ANKFN1: variants seen among roughly 807,000 people sequenced by gnomAD.
ANKFN1 encodes ankyrin repeat and fibronectin type-III domain-containing protein 1.
A neutral mutation model predicts 108.7 loss-of-function variants in ANKFN1; 74 were observed. That is an observed-to-expected ratio of 0.68 (90% CI 0.56 to 0.83). The LOEUF is 0.83. Ranked by LOEUF, ANKFN1 falls within the 40% of genes least tolerant of loss-of-function variation. The probability of loss-of-function intolerance (pLI) is 0.00; values close to 1 mark genes in which losing one functional copy is unlikely to be tolerated. For missense variants in ANKFN1, 1,505 were observed against 1,382.3 expected (o/e 1.09, Z -1.41); for synonymous variants, 547 against 516.2 (o/e 1.06, Z -0.81).
chr17:56,180,568 T>C (rs1911597584), intron 1 of ANKFN1, among the ~76,000 whole-genome samples: 3 of 152,182 alleles, frequency 2.0e-5, no homozygotes, highest in African/African-American at 7.2e-5. Flanking sequence ...AAATCATAGG[T>C]TCCCCCAGTA....
intron 6 of ANKFN1, among the ~76,000 whole-genome samples, chr17:56,359,465 C>T (rs2144711619): frequency 6.6e-6 from 1 of 152,248 alleles, no homozygotes; most frequent in Admixed American, 6.5e-5. Flanking sequence ...TGCCCTTTCC[C>T]TTAGCTACAT....
At position 56,220,786 on chromosome 17, in the gene ANKFN1, G is replaced by C. The variant is rs375541031; in HGVS notation, c.13-7131G>C. Among the ~76,000 whole-genome samples, 21 of 122,630 alleles carry C rather than the reference G, an allele frequency of 1.7e-4. No individual in the cohort carries two copies. In the East Asian group the frequency reaches 2.1e-3, roughly 12 times the overall value. The allele number at this position is 122,630 out of a possible 152,430, so 80.5% of individuals were successfully genotyped here. On this transcript the variant is annotated intron_variant, in intron 2 of 20. Transcript: ENST00000682825. ...AAGGAGGGAGGGAGGAAGTCAGGAA[G>C]GAAGGGAGGAAGGGAGGGAGGGAGG...
chr17:56,401,368 A>ATTGTATTGTGTTGTGTTGTG (rs55888620), intron 8 of ANKFN1, among the ~76,000 whole-genome samples: 2 of 135,548 alleles, frequency 1.5e-5, no homozygotes, highest in African/African-American at 2.8e-5. Flanking sequence ...ATTGTATTGT[A>ATTGTATTGTGTTGTGTTGTG]TTGTGTTGTG....
chr17:56,214,628 A>G (rs1267301122), intron 2 of ANKFN1, among the ~76,000 whole-genome samples: 1 of 152,030 alleles, frequency 6.6e-6, no homozygotes, highest in Non-Finnish European at 1.5e-5. Flanking sequence ...GGTCCCACTA[A>G]CTCCTCATTC....
intron 3 of ANKFN1, among the ~76,000 whole-genome samples, chr17:56,278,309 C>T (rs1182447246): frequency 6.6e-6 from 1 of 152,210 alleles, no homozygotes; most frequent in African/African-American, 2.4e-5. Flanking sequence ...CACACCCTCC[C>T]TCAGTCACTC....
At chr17:56,288,780 C>T (rs949423245) in intron 3 of ANKFN1, among the ~76,000 whole-genome samples, 1 of 152,100 alleles carries the variant, frequency 6.6e-6, no homozygotes, top group Non-Finnish European at 1.5e-5. Flanking sequence ...CTCTACCACA[C>T]CATGGTTTAT....
At chr17:56,259,561 G>A (rs1181527767) in intron 3 of ANKFN1, among the ~76,000 whole-genome samples, 1 of 152,114 alleles carries the variant, frequency 6.6e-6, no homozygotes, top group Non-Finnish European at 1.5e-5. Flanking sequence ...GGGTAGGGAG[G>A]TGTTCCCAGT....
At position 56,372,673 on chromosome 17, in the gene ANKFN1, A is replaced by C; in HGVS notation, c.629A>C (p.His210Pro). The C allele has an allele frequency of 2.5e-6, 4 of 1,613,512 alleles. No homozygotes were observed. Among genetic ancestry groups the C allele is most frequent in the Non-Finnish European group, 3.4e-6 (4 of 1,179,872 alleles). Residue 210 changes from histidine to proline, a missense_variant, in exon 7 of 21, where the codon CAC (histidine) becomes CCC (proline). Transcript: ENST00000682825. ...GTCAGCCTGGAAAGCCGAGCAATGC[A>C]CCTCAACACACTGGTCCAGGAAGCC... ...HFVSLESRAMHLNTLVQEAQE... is the reference protein window; with the variant it reads ...HFVSLESRAMPLNTLVQEAQE...
intron 6 of ANKFN1, among the ~76,000 whole-genome samples, chr17:56,356,943 A>G (rs1404772237): frequency 6.6e-6 from 1 of 152,204 alleles, no homozygotes; most frequent in African/African-American, 2.4e-5. Context: ...TGAAAACAGT[A>G]AGACTCCCTA....
At chr17:56,300,597 T>G (rs971405828) in intron 3 of ANKFN1, among the ~76,000 whole-genome samples, 1 of 152,080 alleles carries the variant, frequency 6.6e-6, no homozygotes, top group Non-Finnish European at 1.5e-5. Context: ...ATTGTTTTTT[T>G]TTTTTTTTTA....
intron 4 of ANKFN1, among the ~76,000 whole-genome samples, chr17:56,130,603 A>G (rs1020121841): frequency 7.2e-5 from 11 of 151,746 alleles, no homozygotes; most frequent in African/African-American, 2.7e-4. Flanking sequence ...TTCTTTATTG[A>G]CTTCTCCCTG....
At chr17:56,499,197 G>A (rs2051291812) in intron 20 of ANKFN1, 99 bp downstream of exon 20, 12 of 1,189,252 alleles carry the variant, frequency 1.0e-5, no homozygotes, top group Non-Finnish European at 1.4e-5. Flanking sequence ...GTTCCAGAAA[G>A]TGGATGAAAA....
intron 3 of ANKFN1, among the ~76,000 whole-genome samples, chr17:56,303,310 G>C (rs938437034): frequency 2.0e-5 from 3 of 152,162 alleles, no homozygotes; most frequent in Non-Finnish European, 4.4e-5. Flanking sequence ...TGTTGGTGTT[G>C]GGGATGAGGG....
chr17:56,257,192 G>A (rs1183852151), intron 3 of ANKFN1, among the ~76,000 whole-genome samples: 3 of 152,158 alleles, frequency 2.0e-5, no homozygotes, highest in African/African-American at 7.2e-5. Flanking sequence ...AATGGTGGTG[G>A]TGATGACAAT....
intron 4 of ANKFN1, among the ~76,000 whole-genome samples, chr17:56,338,675 A>G (rs1454638543): frequency 6.6e-6 from 1 of 151,978 alleles, no homozygotes; most frequent in Non-Finnish European, 1.5e-5. Context: ...AGTTGCAAAG[A>G]GTACCGTTGC....
intron 3 of ANKFN1, among the ~76,000 whole-genome samples, chr17:56,269,853 G>A (rs2043748285): frequency 6.6e-6 from 1 of 152,104 alleles, no homozygotes; most frequent in African/African-American, 2.4e-5. Flanking sequence ...TTCTCATTCA[G>A]GTCTTTGCAA....
At chr17:56,475,457 A>G (rs1321166829) in intron 15 of ANKFN1, among the ~76,000 whole-genome samples, 1 of 152,190 alleles carries the variant, frequency 6.6e-6, no homozygotes, top group East Asian at 1.9e-4. Flanking sequence ...TACAGAGGAA[A>G]GATCACTCCT....
At chr17:56,317,292 G>T (rs914217776) in intron 3 of ANKFN1, among the ~76,000 whole-genome samples, 2 of 152,156 alleles carry the variant, frequency 1.3e-5, no homozygotes, top group African/African-American at 4.8e-5. Flanking sequence ...TCCAGTTGCT[G>T]TCCAGAAACA....
intron 16 of ANKFN1, among the ~76,000 whole-genome samples, chr17:56,478,240 A>G (rs2050577658): frequency 6.6e-6 from 1 of 152,238 alleles, no homozygotes; most frequent in African/African-American, 2.4e-5. Flanking sequence ...TACTCATGGT[A>G]AAACCACTGA....
Sources: allele counts gnomAD v4.1 joint callset (sites outside exome capture counted in the v4.1 genomes callset), GRCh38; gene constraint gnomAD v4.1.1; transcripts MANE v1.5; gene names NCBI Gene and HGNC (gene_info 2026-07-23, HGNC 2026-07-21).